CPS1: variants seen among roughly 807,000 people sequenced by gnomAD.
CPS1 encodes the protein carbamoyl-phosphate synthase 1, also known as carbamoyl-phosphate synthase [ammonia], mitochondrial.
Under a neutral mutation model 174.6 loss-of-function variants are expected in CPS1, and 109 were observed. That is an observed-to-expected ratio of 0.62 (90% confidence interval 0.53 to 0.73). The LOEUF is 0.73. CPS1 is among the 30% of genes least tolerant of loss of function. CPS1 has a pLI of 0.00. For missense variants in CPS1, 1,689 were observed against 1,821.9 expected (o/e 0.93, Z 1.33); for synonymous variants, 637 against 632.0 (o/e 1.01, Z -0.12).
intron 1 of CPS1, among the ~76,000 whole-genome samples, chr2:210,530,692 A>G (rs1696093671): frequency 1.3e-5 from 2 of 152,092 alleles, no homozygotes; most frequent in Admixed American, 6.6e-5. Context: ...ACTGAGTTTA[A>G]GAAACTTACT....
intron 18 of CPS1, among the ~76,000 whole-genome samples, chr2:210,608,107 G>A (rs1259530751): frequency 6.6e-6 from 1 of 151,930 alleles, no homozygotes; most frequent in Non-Finnish European, 1.5e-5. Flanking sequence ...TTGAAGAGGT[G>A]AAGGTTGAGC....
intron 31 of CPS1, among the ~76,000 whole-genome samples, chr2:210,659,396 T>A (rs543581530): frequency 6.6e-6 from 1 of 152,274 alleles, no homozygotes; most frequent in African/African-American, 2.4e-5. Context: ...CCCACTGTTG[T>A]GGGAATTAAT....
chr2:210,590,532 G>A (rs914539109), intron 8 of CPS1, among the ~76,000 whole-genome samples: 11 of 151,982 alleles, frequency 7.2e-5, no homozygotes, highest in Admixed American at 1.3e-4. Context: ...ACAACTCATG[G>A]TTCCTTATCA....
chr2:210,524,829 G>T (rs954956099), intron 1 of CPS1, among the ~76,000 whole-genome samples: 2 of 151,786 alleles, frequency 1.3e-5, no homozygotes, highest in Non-Finnish European at 1.5e-5. Flanking sequence ...TTTATTTTTT[G>T]GCTGTTCTTT....
chr2:210,542,643 C>G (rs947051055), intron 1 of CPS1, among the ~76,000 whole-genome samples: 5 of 151,980 alleles, frequency 3.3e-5, no homozygotes, highest in Non-Finnish European at 4.4e-5. Context: ...CTCTTTCTCT[C>G]ATGCAAATTT....
chr2:210,573,228 T>C lies in CPS1; in HGVS notation c.127-70T>C. On this transcript the variant is annotated intron_variant, in intron 1 of 37. Coordinates refer to ENST00000233072, the MANE Select transcript of CPS1 (RefSeq NM_001875.5). ...CCTTTATTTAATATGTCTGTGTATT[T>C]TACCTTTGGAATATTTTTGTGTGTT... The C allele has an allele frequency of 3.0e-6, 4 of 1,323,222 alleles. No homozygotes were observed. In the South Asian group the frequency reaches 4.7e-5, roughly 16 times the overall value. 82.0% of individuals were successfully genotyped at this position (1,323,222 alleles called of 1,614,324 possible).
chr2:210,544,414 T>A (rs979504573), intron 1 of CPS1, among the ~76,000 whole-genome samples: 7 of 152,090 alleles, frequency 4.6e-5, no homozygotes, highest in Non-Finnish European at 7.4e-5. Flanking sequence ...TCAGCCACTG[T>A]AATAGAATGA....
chr2:210,655,878 A>G (rs976430281), intron 29 of CPS1, among the ~76,000 whole-genome samples: 1 of 152,234 alleles, frequency 6.6e-6, no homozygotes, highest in Non-Finnish European at 1.5e-5. Context: ...CACACATATT[A>G]TTAACATATA....
rs1214246467 is a variant in CPS1, at chr2:210,663,115, TCCAACAGGCTCCCATG to T, written c.3928-7_3936del. ...AATTTTTCTCCCTGTTTTTTTTTTT[TCCAACAGGCTCCCATG>T]TTTTCCTGGCCCCGGTTGAGGGATG... On this transcript the variant is annotated splice_acceptor_variant and splice_polypyrimidine_tract_variant and coding_sequence_variant and intron_variant, in exon 33 of 38. Coordinates refer to ENST00000233072, the MANE Select transcript of CPS1 (RefSeq NM_001875.5). LOFTEE classifies it high-confidence loss of function. 6.3e-7 allele frequency: 1 copy of T among 1,599,544 alleles called. No individual in the cohort carries two copies. Among genetic ancestry groups the T allele is most frequent in the African/African-American group, 1.4e-5 (1 of 72,304 alleles).
rs769809767 is a variant in CPS1 at position 210,599,413 on chromosome 2, A to T, written c.1401A>T (p.Ala467=). ...CTGTTCTGATGAACCCAAACATTGCATCAGTCCAGACCAATGAGGTGGGCT... is the reference window on the plus strand; with the variant it reads ...CTGTTCTGATGAACCCAAACATTGCTTCAGTCCAGACCAATGAGGTGGGCT... ...VKTVLMNPNI[A]SVQTNEVGLK... is the part of the protein sequence containing the mutation. Residue 467 remains alanine (A), a synonymous_variant, in exon 14 of 38, where the codon GCA becomes GCT. Coordinates refer to ENST00000233072, the MANE Select transcript of CPS1 (RefSeq NM_001875.5). 6.2e-7 allele frequency: 1 copy of T among 1,612,524 alleles called. No homozygotes were observed. The highest frequency in any genetic ancestry group is 8.5e-7 in the Non-Finnish European group (1 of 1,178,998).
intron 32 of CPS1, among the ~76,000 whole-genome samples, chr2:210,661,863 A>G (rs996653733): frequency 6.7e-6 from 1 of 149,766 alleles, no homozygotes; most frequent in Non-Finnish European, 1.5e-5. Flanking sequence ...AAATTGATAT[A>G]TGAATTTTTA....
At chr2:210,649,342 T>G (rs1447250009) in intron 27 of CPS1, among the ~76,000 whole-genome samples, 5 of 152,160 alleles carry the variant, frequency 3.3e-5, no homozygotes, top group Non-Finnish European at 7.4e-5. Context: ...GGATGGAAAA[T>G]AAAACAGCTT....
intron 6 of CPS1, among the ~76,000 whole-genome samples, 167 bp from the exon 7 acceptor site, chr2:210,587,891 G>C (rs1259667855): frequency 6.6e-6 from 1 of 152,044 alleles, no homozygotes; most frequent in East Asian, 1.9e-4. Context: ...TGTGGCACTT[G>C]TTGTGCCTTT....
chr2:210,643,293 A>G (rs1700283023), intron 25 of CPS1, among the ~76,000 whole-genome samples: 1 of 152,220 alleles, frequency 6.6e-6, no homozygotes, highest in African/African-American at 2.4e-5. Context: ...AGATTACTAT[A>G]AGACTGTAGA....
chr2:210,599,289 T>C (rs1490856979), intron 13 of CPS1, 83 bp from the exon 14 acceptor site: 4 of 1,292,726 alleles, frequency 3.1e-6, no homozygotes, highest in Non-Finnish European at 4.5e-6. Context: ...AAAGCTTAGT[T>C]ACCCCATGTC....
At chr2:210,486,493 C>T (rs1246588366) in intron 1 of CPS1, among the ~76,000 whole-genome samples, 1 of 152,138 alleles carries the variant, frequency 6.6e-6, no homozygotes, top group African/African-American at 2.4e-5. Flanking sequence ...TCCAGAGCTG[C>T]CCATAGGATG....
chr2:210,647,499 T>A (rs745759672), intron 25 of CPS1, among the ~76,000 whole-genome samples: 13 of 151,972 alleles, frequency 8.6e-5, no homozygotes, highest in Non-Finnish European at 1.6e-4. Context: ...GAGAAGGGAG[T>A]GTTAAAAGAA....
chr2:210,562,479 A>G (rs1006373592), intron 1 of CPS1, among the ~76,000 whole-genome samples: 1 of 152,232 alleles, frequency 6.6e-6, no homozygotes, highest in Non-Finnish European at 1.5e-5. Context: ...TCAAAAATCC[A>G]TATCTTAATA....
intron 6 of CPS1, among the ~76,000 whole-genome samples, chr2:210,584,129 A>C (rs1316194547): frequency 6.6e-6 from 1 of 152,100 alleles, no homozygotes; most frequent in Non-Finnish European, 1.5e-5. Context: ...TAAAGGAAGA[A>C]TTGCTACCTT....
Sources: gnomAD v4.1 joint callset for allele counts (sites outside exome capture counted in the v4.1 genomes callset) on GRCh38, gnomAD v4.1.1 for gene constraint, MANE v1.5 for transcripts, NCBI Gene and HGNC (gene_info 2026-07-23, HGNC 2026-07-21) for gene names.